The following CEACAM1 variants were observed in gnomAD, a reference collection of about 807,000 sequenced individuals.
CEACAM1 encodes CEA cell adhesion molecule 1.
CEACAM1 carries 31 observed loss-of-function variants against 49.1 expected under a neutral mutation model. The observed-to-expected ratio is 0.63, with a 90% CI of 0.47 to 0.85. CEACAM1 has a LOEUF of 0.85. CEACAM1 is among the 40% of genes least tolerant of loss of function. The probability of loss-of-function intolerance (pLI) is 0.00; values close to 1 mark genes in which losing one functional copy is unlikely to be tolerated. For synonymous variants in CEACAM1, 244 were observed against 247.8 expected (o/e 0.98, Z 0.14); for missense variants, 570 against 645.3 (o/e 0.88, Z 1.26).
In CEACAM1 at chr19:42,527,167, T is replaced by G; in HGVS notation, c.298A>C (p.Thr100Pro). ...TPGPANSGRE[T>P]IYPNASLLIQ... ...AGCAGGGATGCATTGGGGTATATTG[T>G]CTCTCGACCGCTGTTTGCGGGCCCT... The change falls in exon 2 of 9, where the codon ACA becomes CCA. Residue 100 changes from threonine to proline, a missense_variant. Transcript: ENST00000161559. The G allele has an allele frequency of 6.2e-7, 1 of 1,614,190 alleles. No homozygotes were observed.
At chr19:42,524,390 T>C (rs1288975938) in intron 2 of CEACAM1, among the ~76,000 whole-genome samples, 1 of 152,166 alleles carries the variant, frequency 6.6e-6, no homozygotes, top group Non-Finnish European at 1.5e-5. Flanking sequence ...CCCATGGGCT[T>C]TGGGGACTGC....
At position 42,528,408 on chromosome 19, in the gene CEACAM1, A is replaced by G; in HGVS notation, c.-34T>C. On this transcript the variant is annotated 5_prime_UTR_variant, in exon 1 of 9. Coordinates refer to ENST00000161559, the MANE Select transcript of CEACAM1 (RefSeq NM_001712.5). ...CTGCTGGCCCTGTCTTCACCTGTGG[A>G]GGAGAGCTTGGGCTCCAGGAACGCT... The G allele has an allele frequency of 1.2e-6, 2 of 1,610,218 alleles. No homozygotes were observed. The highest frequency in any genetic ancestry group is 1.7e-6 in the Non-Finnish European group (2 of 1,176,778).
chr19:42,513,522 G>C (rs566537009), intron 5 of CEACAM1, among the ~76,000 whole-genome samples: 2 of 150,002 alleles, frequency 1.3e-5, no homozygotes, highest in Non-Finnish European at 3.0e-5. Flanking sequence ...GCTTGAACCC[G>C]GGGGGCAGAG....
chr19:42,521,406 GAT>G lies in CEACAM1; in HGVS notation c.817_818del (p.Ile273GlnfsTer15), dbSNP rs2041743408. 6.2e-7 allele frequency: 1 copy of G among 1,614,216 alleles called. No individual in the cohort carries two copies. The highest frequency in any genetic ancestry group is 1.3e-5 in the African/African-American group (1 of 75,054). ...GTGTGCTTTGCTGGAATGTTCCATT[GAT>G]AAGCCAGGAGTACTGTGCAGGTGGG... ...SNPPAQYSWL[I>X]NGTFQQSTQE... On this transcript the variant is annotated frameshift_variant, in exon 4 of 9. Coordinates refer to ENST00000161559, the MANE Select transcript of CEACAM1 (RefSeq NM_001712.5). LOFTEE classifies it high-confidence loss of function.
chr19:42,519,549 G>A (rs2041689815), intron 4 of CEACAM1: 1 of 253,548 alleles, frequency 3.9e-6, no homozygotes, highest in South Asian at 7.5e-5. Context: ...TCATCATCAG[G>A]TAGAATGTTT....
At chr19:42,517,036 T>C (rs1010468530) in intron 5 of CEACAM1, among the ~76,000 whole-genome samples, 2 of 152,214 alleles carry the variant, frequency 1.3e-5, no homozygotes, top group African/African-American at 4.8e-5. Context: ...TTTGCATACA[T>C]AGCCAAATGT....
chr19:42,512,861 T>A (rs192250215), intron 5 of CEACAM1, among the ~76,000 whole-genome samples: 3 of 151,904 alleles, frequency 2.0e-5, no homozygotes, highest in African/African-American at 7.2e-5. Flanking sequence ...AGAGACGGGG[T>A]TTCACCATAT....
In CEACAM1 at chr19:42,522,153, C is replaced by T; in HGVS notation, c.474G>A (p.Glu158=). The stretch of plus-strand genomic sequence containing the variant: ...AGGTGAAGGCCACAGCATCCTTGTC[C>T]TCCACAGGGTTGGAGTTGTTGCTGG... ...SISSNNSNPV[E]DKDAVAFTCE... Residue 158 remains glutamate, a synonymous_variant, in exon 3 of 9, where the codon GAG becomes GAA. Coordinates refer to ENST00000161559, the MANE Select transcript of CEACAM1 (RefSeq NM_001712.5). The T allele has an allele frequency of 6.2e-7, 1 of 1,614,236 alleles. No individual in the cohort carries two copies. Among genetic ancestry groups the T allele is most frequent in the Admixed American group, 1.7e-5 (1 of 60,022 alleles).
chr19:42,521,804 C>T, intron 3 of CEACAM1, 120 bp downstream of exon 3: 1 of 1,573,744 alleles, frequency 6.4e-7, no homozygotes, highest in Non-Finnish European at 8.6e-7. Flanking sequence ...TCATGGCCAG[C>T]CTGGGTGTCC....
chr19:42,521,690 C>G (rs1376560649), intron 3 of CEACAM1, among the ~76,000 whole-genome samples, 169 bp from the exon 4 acceptor site: 1 of 152,204 alleles, frequency 6.6e-6, no homozygotes, highest in African/African-American at 2.4e-5. Flanking sequence ...CCTGTTTCTC[C>G]CATCACAGGC....
intron 5 of CEACAM1, among the ~76,000 whole-genome samples, chr19:42,515,925 A>G (rs1017110313): frequency 6.6e-6 from 1 of 152,198 alleles, no homozygotes; most frequent in African/African-American, 2.4e-5. Context: ...GAAAATCTGA[A>G]TAGACCTATA....
At position 42,521,434 on chromosome 19, in the gene CEACAM1, T is replaced by C. The variant is rs748054703; in HGVS notation, c.791A>G (p.Asn264Ser). 13 of 1,614,022 alleles carry C rather than the reference T, an allele frequency of 8.1e-6. No homozygotes were observed. The highest frequency in any genetic ancestry group is 1.1e-5 in the Non-Finnish European group (13 of 1,180,028). The stretch of plus-strand genomic sequence containing the variant: ...AAGCCAGGAGTACTGTGCAGGTGGG[T>C]TAGAGGCTGCATAGCAGGAGAGGCT... ...NLSLSCYAAS[N>S]PPAQYSWLIN... Residue 264 changes from asparagine to serine, a missense_variant, in exon 4 of 9, where the codon AAC becomes AGC. Transcript: ENST00000161559.
chr19:42,519,432 G>C (rs2147789557), intron 4 of CEACAM1, 197 bp from the exon 5 acceptor site: 1 of 590,438 alleles, frequency 1.7e-6, no homozygotes, highest in East Asian at 2.8e-5. Context: ...GAATTGTAAG[G>C]AGAGGGCTGC....
intron 2 of CEACAM1, chr19:42,525,679 A>G (rs1026834485): frequency 1.3e-5 from 2 of 152,198 alleles, no homozygotes; most frequent in African/African-American, 4.8e-5. Flanking sequence ...CAACTCTGGT[A>G]TTGGGGTCCA....
rs1408618053 is a variant in CEACAM1, at chr19:42,512,450, A to G, written c.1276T>C (p.Ser426Pro). ...YNALPQENGL[S>P]PGAIAGIVIG... Reference sequence around the variant, plus strand: ...ACAATGCCAGCAATGGCCCCAGGTGAGAGGCCATTTTCTTGTGGTAGAGCA... The same window carrying G: ...ACAATGCCAGCAATGGCCCCAGGTGGGAGGCCATTTTCTTGTGGTAGAGCA... The change falls in exon 6 of 9, where the codon TCA becomes CCA. Residue 426 changes from serine (S) to proline (P), a missense_variant. By Grantham distance (74) the Ser-to-Pro change is moderately conservative. Transcript: ENST00000161559. The G allele has an allele frequency of 1.2e-6, 2 of 1,613,724 alleles. No homozygotes were observed. Among genetic ancestry groups the G allele is most frequent in the Non-Finnish European group, 1.7e-6 (2 of 1,179,692 alleles).
At chr19:42,511,769 A>G in intron 6 of CEACAM1, 141 bp from the exon 7 acceptor site, 1 of 718,922 alleles carries the variant, frequency 1.4e-6, no homozygotes, top group South Asian at 1.7e-5. Flanking sequence ...CTCGTTCTTC[A>G]GTCTAACTAC....
In CEACAM1 at chr19:42,528,363, G is replaced by C. The variant is rs2041947199; in HGVS notation, c.12C>G (p.Leu4=). The change falls in exon 1 of 9, where the codon CTC becomes CTG. Residue 4 remains leucine (L), a synonymous_variant. Transcript: ENST00000161559. ...CACGCACTCTGTGAAGTGGGGCTGA[G>C]AGGTGCCCCATGGTGTCTCCTGCTG... The part of the protein sequence containing the change: MGH[L]SAPLHRVRVP... 1 of 1,613,946 alleles carries C rather than the reference G, an allele frequency of 6.2e-7. No individual in the cohort carries two copies. The highest frequency in any genetic ancestry group is 8.5e-7 in the Non-Finnish European group (1 of 1,179,914).
intron 4 of CEACAM1, among the ~76,000 whole-genome samples, chr19:42,519,786 G>A (rs1052095895): frequency 2.0e-5 from 3 of 151,974 alleles, no homozygotes; most frequent in Non-Finnish European, 4.4e-5. Context: ...AGCCAGGATG[G>A]TCTTGATCTC....
intron 4 of CEACAM1, chr19:42,519,473 G>A (rs762683515): frequency 5.8e-5 from 30 of 520,966 alleles, no homozygotes; most frequent in Non-Finnish European, 1.4e-5. Context: ...TCGTCTCAGA[G>A]TGACCCTCTG....
Sources: allele counts gnomAD v4.1 joint callset (sites outside exome capture counted in the v4.1 genomes callset), GRCh38; gene constraint gnomAD v4.1.1; transcripts MANE v1.5; gene names NCBI Gene and HGNC (gene_info 2026-07-23, HGNC 2026-07-21).